Variants in CALN1 observed in about 807,000 individuals in gnomAD.
The protein encoded by CALN1 is calneuron 1, also known as calcium-binding protein 8.
Under a neutral mutation model 30.6 loss-of-function variants are expected in CALN1, and 17 were observed. The ratio of observed to expected loss-of-function variants is 0.56; its 90% confidence interval spans 0.38 to 0.83. CALN1 has a LOEUF of 0.83. Ranked by LOEUF, CALN1 falls within the 40% of genes least tolerant of loss-of-function variation. CALN1 has a pLI of 0.00. For missense variants in CALN1, 291 were observed against 354.9 expected, an observed-to-expected ratio of 0.82 and a Z score of 1.45; for synonymous variants, 156 against 131.4, an observed-to-expected ratio of 1.19 and a Z score of -1.28.
intron 6 of CALN1, among the ~76,000 whole-genome samples, chr7:71,790,265 C>A: frequency 7.8e-6 from 1 of 127,658 alleles, no homozygotes; most frequent in Non-Finnish European, 1.7e-5. Flanking sequence ...AGAAAGAAAG[C>A]AAGAAAGCAA....
chr7:72,405,667 A>G (rs531163941), intron 1 of CALN1, among the ~76,000 whole-genome samples: 1 of 152,094 alleles, frequency 6.6e-6, no homozygotes, highest in African/African-American at 2.4e-5. Flanking sequence ...TTCTCTAGTT[A>G]GCTCGTTAAG....
intron 5 of CALN1, among the ~76,000 whole-genome samples, chr7:71,987,249 A>C (rs1430896373): frequency 6.6e-6 from 1 of 152,206 alleles, no homozygotes; most frequent in Non-Finnish European, 1.5e-5. Context: ...AACAAATATA[A>C]AAGTTGTGCT....
chr7:72,090,811 A>G (rs986222636), intron 4 of CALN1, among the ~76,000 whole-genome samples: 4 of 152,242 alleles, frequency 2.6e-5, no homozygotes, highest in South Asian at 2.1e-4. Context: ...GTTAAGTGAA[A>G]CAAGCCAAGT....
intron 2 of CALN1, among the ~76,000 whole-genome samples, chr7:72,371,047 C>CAAA (rs35918896): frequency 3.5e-4 from 32 of 91,406 alleles, no homozygotes; most frequent in African/African-American, 7.4e-4. Flanking sequence ...AATTAAGTCT[C>CAAA]AAAAAAAAAA....
At chr7:71,899,423 G>A (rs1052415216) in intron 5 of CALN1, among the ~76,000 whole-genome samples, 10 of 152,074 alleles carry the variant, frequency 6.6e-5, no homozygotes, top group Admixed American at 5.9e-4. Flanking sequence ...GATTACAGAC[G>A]TGAGCCACCA....
chr7:72,010,981 T>C (rs1018430844), intron 5 of CALN1, among the ~76,000 whole-genome samples: 6 of 151,278 alleles, frequency 4.0e-5, no homozygotes, highest in African/African-American at 1.5e-4. Flanking sequence ...AGTGAAACCT[T>C]GTCTCTTCTA....
intron 2 of CALN1, among the ~76,000 whole-genome samples, chr7:72,359,515 T>C (rs1033623581): frequency 3.3e-5 from 5 of 152,206 alleles, no homozygotes; most frequent in Admixed American, 2.6e-4. Context: ...AGGTCACATG[T>C]ACATATAGTG....
rs1287091997 is a variant in CALN1 at position 71,812,929 on chromosome 7, C to CATCATCATCATTATTATT, written c.502-2438_502-2437insAATAATAATGATGATGAT. 1.1e-3 allele frequency among the ~76,000 whole-genome samples: 154 copies of CATCATCATCATTATTATT among 136,500 alleles called. 1 individual carries two copies. Among genetic ancestry groups the CATCATCATCATTATTATT allele is most frequent in the Non-Finnish European group, 1.7e-3 (108 of 64,562 alleles). The allele number at this position is 136,500 out of a possible 152,430, so 89.5% of individuals were successfully genotyped here. A position where few individuals can be genotyped will look rare whatever the true frequency, so the allele number is the denominator to read the frequency against. On this transcript the variant is annotated intron_variant, in intron 5 of 6. Transcript: ENST00000395275. The stretch of plus-strand genomic sequence containing the variant: ...CAGCTATTTTATTTATCATCATCAT[C>CATCATCATCATTATTATT]ATTATTATTATTATTATTATTATTA...
chr7:72,487,834 AAGAG>A, the CALN1 span, among the ~76,000 whole-genome samples: 6 of 133,188 alleles, frequency 4.5e-5, no homozygotes, highest in South Asian at 1.3e-3. Context: ...AAAAGAAAGA[AAGAG>A]AGAAAGAAAA....
chr7:71,901,038 G>A (rs1793819690), intron 5 of CALN1, among the ~76,000 whole-genome samples: 1 of 152,044 alleles, frequency 6.6e-6, no homozygotes, highest in South Asian at 2.1e-4. Flanking sequence ...CAGCCCACCG[G>A]ACCCAGCTAT....
chr7:72,464,096 GAA>G, the CALN1 span, among the ~76,000 whole-genome samples: 11 of 151,442 alleles, frequency 7.3e-5, no homozygotes, highest in African/African-American at 2.4e-4. Context: ...AAGAAAGAAA[GAA>G]AGAGAGAGAA....
At chr7:72,169,342 C>T (rs1788768971) in intron 3 of CALN1, among the ~76,000 whole-genome samples, 1 of 152,084 alleles carries the variant, frequency 6.6e-6, no homozygotes, top group African/African-American at 2.4e-5. Flanking sequence ...GGTTTGGAGA[C>T]AGAGTCTCAC....
At chr7:71,810,686 A>T (rs1787897289) in intron 5 of CALN1, among the ~76,000 whole-genome samples, 194 bp from the exon 6 acceptor site, 1 of 152,106 alleles carries the variant, frequency 6.6e-6, no homozygotes, top group Non-Finnish European at 1.5e-5. Context: ...GGAATGATAG[A>T]GAGTGGAACA....
At chr7:72,475,008 C>A in the CALN1 span, among the ~76,000 whole-genome samples, 1 of 152,196 alleles carries the variant, frequency 6.6e-6, no homozygotes, top group Non-Finnish European at 1.5e-5. Flanking sequence ...GGAATCAAAC[C>A]CTCTCAAGAC....
chr7:71,890,087 G>A (rs1318784182), intron 5 of CALN1, among the ~76,000 whole-genome samples: 1 of 152,110 alleles, frequency 6.6e-6, no homozygotes, highest in African/African-American at 2.4e-5. Context: ...AGAGCAATGA[G>A]AATGAGAACA....
chr7:71,856,185 A>T (rs1300964288), intron 5 of CALN1, among the ~76,000 whole-genome samples: 1 of 151,654 alleles, frequency 6.6e-6, no homozygotes, highest in Non-Finnish European at 1.5e-5. Flanking sequence ...GCCTGGGGTG[A>T]TACATATGTA....
the CALN1 span, among the ~76,000 whole-genome samples, chr7:72,460,198 T>C: frequency 1.3e-5 from 2 of 152,252 alleles, no homozygotes; most frequent in Admixed American, 1.3e-4. Flanking sequence ...ATGACCCACA[T>C]ACCTCCCACC....
At chr7:72,208,172 T>C (rs1274012802) in intron 3 of CALN1, among the ~76,000 whole-genome samples, 1 of 152,222 alleles carries the variant, frequency 6.6e-6, no homozygotes, top group African/African-American at 2.4e-5. Context: ...AGCTATTTAA[T>C]ATTGAGGAAA....
intron 5 of CALN1, among the ~76,000 whole-genome samples, chr7:71,846,266 G>A (rs903853712): frequency 3.9e-5 from 6 of 152,134 alleles, no homozygotes; most frequent in Admixed American, 1.3e-4. Flanking sequence ...AACCCCTTAA[G>A]TGATGTAATT....
Sources: gnomAD v4.1 joint callset for allele counts (sites outside exome capture counted in the v4.1 genomes callset) on GRCh38, gnomAD v4.1.1 for gene constraint, MANE v1.5 for transcripts, NCBI Gene and HGNC (gene_info 2026-07-23, HGNC 2026-07-21) for gene names.